Variants in MCM10 observed in about 807,000 individuals in gnomAD.
MCM10 encodes minichromosome maintenance 10 replication initiation factor.
A neutral mutation model predicts 109.9 loss-of-function variants in MCM10; 91 were observed. That is an observed-to-expected ratio of 0.83 (90% confidence interval 0.70 to 0.99). The LOEUF is 0.99. Ranked by LOEUF, MCM10 falls within the 50% of genes least tolerant of loss-of-function variation. The pLI is 0.00. For synonymous variants in MCM10, 380 were observed against 387.2 expected (o/e 0.98, Z 0.22); for missense variants, 1,077 against 1,061.2 (o/e 1.01, Z -0.21).
chr10:13,188,361 T>C (rs1267350789), intron 9 of MCM10, among the ~76,000 whole-genome samples: 1 of 152,170 alleles, frequency 6.6e-6, no homozygotes, highest in Non-Finnish European at 1.5e-5. Context: ...AATACATATA[T>C]AATTCAGTGA....
In MCM10 at chr10:13,182,358, C is replaced by T. The variant is rs897799590; in HGVS notation, c.931-575C>T. On this transcript the variant is annotated intron_variant, in intron 7 of 19. Transcript: ENST00000378714. This position sits in a 1 kb window ranked among gnomAD's most constrained non-coding sequence, Gnocchi z 4.2. ...GGGGCTGGTAGCACATGCCTGTAGTCCCAGCTGCTTGGGAGGCTGAGGATG... is the reference window on the plus strand; with the variant it reads ...GGGGCTGGTAGCACATGCCTGTAGTTCCAGCTGCTTGGGAGGCTGAGGATG... Among the ~76,000 whole-genome samples, 1 of 151,996 alleles carries T rather than the reference C, an allele frequency of 6.6e-6. No individual in the cohort carries two copies. Among genetic ancestry groups the T allele is most frequent in the African/African-American group, 2.4e-5 (1 of 41,392 alleles).
chr10:13,188,085 C>T (rs1834297925), intron 9 of MCM10, among the ~76,000 whole-genome samples: 1 of 152,112 alleles, frequency 6.6e-6, no homozygotes, highest in South Asian at 2.1e-4. Flanking sequence ...TTGGAGGTTG[C>T]AGTGGGCCAG....
chr10:13,175,524 T>C lies in MCM10; in HGVS notation c.607T>C (p.Ser203Pro). 5 of 1,613,936 alleles carry C rather than the reference T, an allele frequency of 3.1e-6. No homozygotes were observed. Among genetic ancestry groups the C allele is most frequent in the Non-Finnish European group, 4.2e-6 (5 of 1,179,870 alleles). ...TAATTTTCTAGATCCCAAAAGCTCA[T>C]CTTCAAGGATGACAAGTGCACCCTC... ...KASPPDPKSS[S>P]SRMTSAPSQP... The change falls in exon 6 of 20, where the codon TCT becomes CCT. Residue 203 changes from serine to proline, a missense_variant. Coordinates refer to ENST00000378714, the MANE Select transcript of MCM10 (RefSeq NM_018518.5).
At chr10:13,205,046 ATATATATT>A (rs1834560763) in intron 18 of MCM10, among the ~76,000 whole-genome samples, 3 of 97,576 alleles carry the variant, frequency 3.1e-5, no homozygotes, top group East Asian at 6.1e-4. Context: ...ATATATATAT[ATATATATT>A]AATTTGTATA....
rs116353713 is a variant in MCM10 at position 13,170,915 on chromosome 10, C to G, written c.8-7C>G. ...TATTCTCTGTCCTTTCTCTTCTTTT[C>G]CCCTAGAGGAGGAAGACAATCTGTC... On this transcript the variant is annotated splice_region_variant and splice_polypyrimidine_tract_variant and intron_variant, in intron 2 of 19. Transcript: ENST00000378714. 1 of 1,608,000 alleles carries G rather than the reference C, an allele frequency of 6.2e-7. No individual in the cohort carries two copies. Among genetic ancestry groups the G allele is most frequent in the African/African-American group, 1.3e-5 (1 of 74,668 alleles).
rs1448242881 is a variant in MCM10 at position 13,180,575 on chromosome 10, T to C, written c.898T>C (p.Leu300=). 7 of 1,614,168 alleles carry C rather than the reference T, an allele frequency of 4.3e-6. No individual in the cohort carries two copies. Among genetic ancestry groups the C allele is most frequent in the Non-Finnish European group, 5.9e-6 (7 of 1,180,038 alleles). ...AGATTGGGTGACATTTGGGGTTATA[T>C]TGAAGAAGGTTACGCCACAGAGTGT... is the stretch of plus-strand genomic sequence containing the variant. ...EIDWVTFGVI[L]KKVTPQSVNS... Residue 300 remains leucine (L), a synonymous_variant, in exon 7 of 20, where the codon TTG becomes CTG. Transcript: ENST00000378714.
chr10:13,171,203 G>C lies in MCM10; in HGVS notation c.289G>C (p.Glu97Gln). The change falls in exon 3 of 20, where the codon GAA becomes CAA. Residue 97 changes from glutamate (E) to glutamine (Q), a missense_variant. Glu to Gln is a conservative substitution (Grantham distance 29). Coordinates refer to ENST00000378714, the MANE Select transcript of MCM10 (RefSeq NM_018518.5). ...EEEVPASQST[E>Q]NRVLPAPAPR... ...AGAAGTTCCCGCATCACAGTCAACT[G>C]AAAATAGGGTCCTCCCTGCTCCTGC... The C allele has an allele frequency of 6.2e-7, 1 of 1,614,182 alleles. No individual in the cohort carries two copies. The highest frequency in any genetic ancestry group is 8.5e-7 in the Non-Finnish European group (1 of 1,180,028).
intron 3 of MCM10, among the ~76,000 whole-genome samples, chr10:13,171,834 G>C (rs1012561004): frequency 6.6e-6 from 1 of 150,798 alleles, no homozygotes; most frequent in Non-Finnish European, 1.5e-5. Flanking sequence ...GTGCAATCTT[G>C]GCTCACTGTA....
intron 14 of MCM10, 87 bp from the exon 15 acceptor site, chr10:13,197,536 T>C (rs145223436): frequency 8.2e-7 from 1 of 1,226,772 alleles, no homozygotes; most frequent in African/African-American, 1.5e-5. Flanking sequence ...CAGAATTCAC[T>C]GGTTACTAAT....
At position 13,206,563 on chromosome 10, in the gene MCM10, TC is replaced by T. The variant is rs556737829; in HGVS notation, c.2498+2200del. Among the ~76,000 whole-genome samples, 308 of 152,326 alleles carry T rather than the reference TC, an allele frequency of 2.0e-3. 2 individuals carry two copies. The highest frequency in any genetic ancestry group is 7.1e-3 in the African/African-American group (296 of 41,582). On this transcript the variant is annotated intron_variant, in intron 18 of 19. Transcript: ENST00000378714. ...TACCAGGAGCTGGCTTGCCAATTTTTCACAATCTAGATTATAATTTTTAAGT... is the reference window on the plus strand; with the variant it reads ...TACCAGGAGCTGGCTTGCCAATTTTTACAATCTAGATTATAATTTTTAAGT...
chr10:13,163,255 CTG>C (rs1363563779), intron 1 of MCM10, among the ~76,000 whole-genome samples: 2 of 152,104 alleles, frequency 1.3e-5, no homozygotes, highest in African/African-American at 4.8e-5. Flanking sequence ...AGGAGAATCA[CTG>C]GAGCCTGGGA....
Position 13,182,669 on chromosome 10 carries a change from AAC to A in MCM10, c.931-263_931-262del, listed in dbSNP as rs765592975. 2.0e-5 allele frequency among the ~76,000 whole-genome samples: 3 copies of A among 152,092 alleles called. No homozygotes were observed. The highest frequency in any genetic ancestry group is 4.4e-5 in the Non-Finnish European group (3 of 68,022). The stretch of plus-strand genomic sequence containing the variant: ...CACTCCCTCTGCTTAGACCCGAGAT[AAC>A]TAGAGACTCTGCTAACAAGTTTGCC... On this transcript the variant is annotated intron_variant, in intron 7 of 19. Coordinates refer to ENST00000378714, the MANE Select transcript of MCM10 (RefSeq NM_018518.5). The surrounding 1 kb of genome is among the most constrained non-coding windows in gnomAD (Gnocchi z 4.2).
chr10:13,204,112 GTGA>G (rs1262760750), intron 17 of MCM10, 104 bp from the exon 18 acceptor site: 5 of 1,372,214 alleles, frequency 3.6e-6, no homozygotes, highest in Non-Finnish European at 5.0e-6. Context: ...GGCCCAGGTA[GTGA>G]TGAGAGACCA....
rs1008364758 is a variant in MCM10, at chr10:13,172,220, G to A, written c.350-156G>A. Among the ~76,000 whole-genome samples, 1 of 152,184 alleles carries A rather than the reference G, an allele frequency of 6.6e-6. No homozygotes were observed. The highest frequency in any genetic ancestry group is 1.5e-5 in the Non-Finnish European group (1 of 68,034). On this transcript the variant is annotated intron_variant, in intron 3 of 19. Coordinates refer to ENST00000378714, the MANE Select transcript of MCM10 (RefSeq NM_018518.5). The surrounding 1 kb of genome is among the most constrained non-coding windows in gnomAD (Gnocchi z 5.2). ...TATTTCTCTAAGAGACCTCTTTGAAGTACCAAAGTTAATCATGAGCTTTGG... is the reference window on the plus strand; with the variant it reads ...TATTTCTCTAAGAGACCTCTTTGAAATACCAAAGTTAATCATGAGCTTTGG...
Position 13,209,757 on chromosome 10 carries a change from T to C in MCM10, c.*447T>C, listed in dbSNP as rs1381114157. ...TTCTGGGCTTCAGTTTTCTCATCTG[T>C]AAAATCAGGAAGATTGGACTAAGTG... On this transcript the variant is annotated 3_prime_UTR_variant, in exon 20 of 20. Transcript: ENST00000378714. 1 of 160,910 alleles carries C rather than the reference T, an allele frequency of 6.2e-6. No homozygotes were observed. Among genetic ancestry groups the C allele is most frequent in the African/African-American group, 2.4e-5 (1 of 41,580 alleles). The allele number at this position is 160,910 out of a possible 1,614,324, so 10.0% of individuals were successfully genotyped here. A position where few individuals can be genotyped will look rare whatever the true frequency, so the allele number is the denominator to read the frequency against.
chr10:13,163,271 G>A (rs1460835690), intron 1 of MCM10, among the ~76,000 whole-genome samples: 2 of 152,004 alleles, frequency 1.3e-5, no homozygotes, highest in East Asian at 1.9e-4. Context: ...CCTGGGAGGC[G>A]GAGGTTGTAG....
In MCM10 at chr10:13,164,170, G is replaced by A. The variant is rs780538249; in HGVS notation, c.-33G>A. 7 of 1,572,650 alleles carry A rather than the reference G, an allele frequency of 4.5e-6. No individual in the cohort carries two copies. The highest frequency in any genetic ancestry group is 2.3e-5 in the East Asian group (1 of 42,826). On this transcript the variant is annotated 5_prime_UTR_variant, in exon 2 of 20. Transcript: ENST00000378714. ...TCATCTGGGCATCTGAGCCTCCTTC[G>A]AAGTTTCCTGTCACAACTGTCCTCT...
At chr10:13,177,531 T>A (rs891008090) in intron 6 of MCM10, among the ~76,000 whole-genome samples, 6 of 131,162 alleles carry the variant, frequency 4.6e-5, no homozygotes, top group Admixed American at 3.8e-4. Context: ...TTTTTTTTTT[T>A]AATCTATTAA....
chr10:13,196,908 C>T (rs1023280387), intron 14 of MCM10, among the ~76,000 whole-genome samples: 8 of 150,904 alleles, frequency 5.3e-5, no homozygotes, highest in African/African-American at 1.9e-4. Flanking sequence ...AATGCTATAT[C>T]ATCATTTCCT....
Sources: gnomAD v4.1 joint callset for allele counts (sites outside exome capture counted in the v4.1 genomes callset) on GRCh38, gnomAD v4.1.1 for gene constraint, Gnocchi (gnomAD v3.1) non-coding constraint, MANE v1.5 for transcripts, NCBI Gene and HGNC (gene_info 2026-07-23, HGNC 2026-07-21) for gene names.